The following BMP5 variants were observed in gnomAD, a reference collection of about 807,000 sequenced individuals.
BMP5 encodes bone morphogenetic protein 5.
Under a neutral mutation model 46.6 loss-of-function variants are expected in BMP5, and 23 were observed. That is an observed-to-expected ratio of 0.49 (90% CI 0.35 to 0.70). The LOEUF (loss-of-function observed/expected upper bound fraction) is 0.70. Ranked by LOEUF, BMP5 falls within the 30% of genes least tolerant of loss-of-function variation. The pLI, the probability that BMP5 is intolerant of heterozygous loss-of-function variation, is 0.00. For missense variants in BMP5, 545 were observed against 565.6 expected (o/e 0.96, Z 0.37); for synonymous variants, 204 against 191.9 (o/e 1.06, Z -0.52).
intron 1 of BMP5, among the ~76,000 whole-genome samples, chr6:55,841,599 G>GCT (rs1554185269): frequency 8.1e-6 from 1 of 123,092 alleles, no homozygotes; most frequent in Non-Finnish European, 1.8e-5. Flanking sequence ...GTCTGGTGGT[G>GCT]GTGTTTGTTT....
chr6:55,868,474 G>T (rs1358596298), intron 1 of BMP5, among the ~76,000 whole-genome samples: 1 of 152,094 alleles, frequency 6.6e-6, no homozygotes, highest in African/African-American at 2.4e-5. Context: ...CCAAGCCGAG[G>T]TTAATGCATT....
chr6:55,864,913 A>G (rs1467519471), intron 1 of BMP5, among the ~76,000 whole-genome samples: 1 of 152,114 alleles, frequency 6.6e-6, no homozygotes, highest in Non-Finnish European at 1.5e-5. Flanking sequence ...TCTGAAAAAA[A>G]AAACCCAAAC....
At chr6:55,821,157 C>A (rs961552210) in intron 1 of BMP5, among the ~76,000 whole-genome samples, 1 of 152,136 alleles carries the variant, frequency 6.6e-6, no homozygotes, top group Non-Finnish European at 1.5e-5. Flanking sequence ...GCTGCGGAGA[C>A]AAGGCTGCTA....
intron 3 of BMP5, among the ~76,000 whole-genome samples, chr6:55,787,559 T>G (rs1180456475): frequency 6.6e-6 from 1 of 151,604 alleles, no homozygotes; most frequent in Non-Finnish European, 1.5e-5. Flanking sequence ...TATCAGTATG[T>G]TAAATTACTG....
At chr6:55,817,370 A>C (rs1353906203) in intron 2 of BMP5, among the ~76,000 whole-genome samples, 168 of 152,206 alleles carry the variant, frequency 1.1e-3, no homozygotes, top group African/African-American at 4.0e-3. Context: ...TCAATGATAG[A>C]CTGGATTAAG....
rs924430842 is a variant in BMP5 at position 55,842,928 on chromosome 6, T to C, written c.491-23081A>G. On this transcript the variant is annotated intron_variant, in intron 1 of 6. Coordinates refer to ENST00000370830, the MANE Select transcript of BMP5 (RefSeq NM_021073.4). ...ATTACATATATCAACTGTAAAATAT[T>C]ATTTCAATTCACCCATTTAATTGCT... is the stretch of plus-strand genomic sequence containing the variant. Among the ~76,000 whole-genome samples the C allele has an allele frequency of 3.3e-5, 5 of 152,258 alleles. No individual in the cohort carries two copies. In the South Asian group the frequency reaches 1.0e-3, roughly 32 times the overall value.
chr6:55,831,669 C>G (rs534976266), intron 1 of BMP5, among the ~76,000 whole-genome samples: 1 of 151,330 alleles, frequency 6.6e-6, no homozygotes, highest in Non-Finnish European at 1.5e-5. Flanking sequence ...CCAGAATCAG[C>G]CAAATAATAG....
At chr6:55,772,315 T>C (rs557784551) in intron 4 of BMP5, among the ~76,000 whole-genome samples, 3 of 151,978 alleles carry the variant, frequency 2.0e-5, no homozygotes, top group South Asian at 2.1e-4. Flanking sequence ...AGTTAACCAA[T>C]AGGGAAAAGG....
Position 55,754,017 on chromosome 6 carries a change from A to C in BMP5, c.*1516T>G, listed in dbSNP as rs984690373. The C allele has an allele frequency of 3.3e-5, 5 of 152,118 alleles. No homozygotes were observed. Among genetic ancestry groups the C allele is most frequent in the Non-Finnish European group, 5.9e-5 (4 of 67,928 alleles). 9.4% of individuals were successfully genotyped at this position (152,118 alleles called of 1,614,324 possible). On this transcript the variant is annotated 3_prime_UTR_variant, in exon 7 of 7. Coordinates refer to ENST00000370830, the MANE Select transcript of BMP5 (RefSeq NM_021073.4). Reference sequence around the variant, plus strand: ...GTTACTGTCAAATTTTCTTTAAGATAAACTGTATTTCAAAACAACATTTTA... The same window carrying C: ...GTTACTGTCAAATTTTCTTTAAGATCAACTGTATTTCAAAACAACATTTTA...
intron 4 of BMP5, among the ~76,000 whole-genome samples, chr6:55,765,846 A>G (rs1774904600): frequency 6.6e-6 from 1 of 152,144 alleles, no homozygotes; most frequent in Non-Finnish European, 1.5e-5. Context: ...TCAGCAAAGT[A>G]TCCATGTGGA....
At chr6:55,801,399 T>C (rs539875873) in intron 2 of BMP5, among the ~76,000 whole-genome samples, 1 of 152,316 alleles carries the variant, frequency 6.6e-6, no homozygotes, top group East Asian at 1.9e-4. Context: ...AGGAAAGGAC[T>C]TGGCGGCTAG....
intron 2 of BMP5, among the ~76,000 whole-genome samples, chr6:55,811,360 G>A (rs1380665835): frequency 6.6e-6 from 1 of 152,206 alleles, no homozygotes; most frequent in Non-Finnish European, 1.5e-5. Context: ...TCATAGCAGA[G>A]CATTAGGAAA....
chr6:55,821,143 T>A (rs1464384038), intron 1 of BMP5, among the ~76,000 whole-genome samples: 1 of 152,170 alleles, frequency 6.6e-6, no homozygotes, highest in Non-Finnish European at 1.5e-5. Flanking sequence ...CCATCAGGAA[T>A]GATGCTGCGG....
At position 55,832,028 on chromosome 6, in the gene BMP5, C is replaced by T. The variant is rs75598479; in HGVS notation, c.491-12181G>A. The stretch of plus-strand genomic sequence containing the variant: ...CTCCAAGTATAGGAGGCAAATAGTC[C>T]GTACTGGAAAGCTATATTAAGGGCT... On this transcript the variant is annotated intron_variant, in intron 1 of 6. Transcript: ENST00000370830. Among the ~76,000 whole-genome samples, 634 of 152,184 alleles carry T rather than the reference C, an allele frequency of 4.2e-3. 3 individuals are homozygous for T. Among genetic ancestry groups the T allele is most frequent in the African/African-American group, 0.014 (589 of 41,536 alleles).
chr6:55,830,964 G>C (rs1412415500), intron 1 of BMP5, among the ~76,000 whole-genome samples: 1 of 152,020 alleles, frequency 6.6e-6, no homozygotes, highest in African/African-American at 2.4e-5. Flanking sequence ...GAGAAGTTTA[G>C]ACTTTTTTTT....
chr6:55,798,044 A>T (rs1214309253), intron 2 of BMP5, among the ~76,000 whole-genome samples: 1 of 152,150 alleles, frequency 6.6e-6, no homozygotes, highest in Non-Finnish European at 1.5e-5. Context: ...GGAGGAAAAG[A>T]TCTGTTCCAG....
chr6:55,763,528 A>G (rs1022107916), intron 4 of BMP5, among the ~76,000 whole-genome samples: 2 of 152,180 alleles, frequency 1.3e-5, no homozygotes, highest in African/African-American at 4.8e-5. Flanking sequence ...TTTACTCTAA[A>G]TGCTTGGCAG....
chr6:55,840,882 T>C (rs959955423), intron 1 of BMP5, among the ~76,000 whole-genome samples: 1 of 152,208 alleles, frequency 6.6e-6, no homozygotes, highest in Non-Finnish European at 1.5e-5. Flanking sequence ...CACTAAGCTT[T>C]TTAGAAAAGG....
intron 3 of BMP5, among the ~76,000 whole-genome samples, chr6:55,785,799 GT>G (rs1415898310): frequency 1.3e-5 from 2 of 151,382 alleles, no homozygotes; most frequent in African/African-American, 4.8e-5. Context: ...GATAATTTAT[GT>G]TTTGATGTTT....
Sources: gnomAD v4.1 joint callset for allele counts (sites outside exome capture counted in the v4.1 genomes callset) on GRCh38, gnomAD v4.1.1 for gene constraint, MANE v1.5 for transcripts, NCBI Gene and HGNC (gene_info 2026-07-23, HGNC 2026-07-21) for gene names.